The following NUP133 variants were observed in gnomAD, a reference collection of about 807,000 sequenced individuals.
NUP133 encodes nuclear pore complex protein Nup133.
NUP133 carries 66 observed loss-of-function variants against 146.2 expected under a neutral mutation model. The ratio of observed to expected loss-of-function variants is 0.45; its 90% confidence interval spans 0.37 to 0.55. The LOEUF is 0.55. Ranked by LOEUF, NUP133 falls within the 20% of genes least tolerant of loss-of-function variation. The pLI is 0.00. For missense variants in NUP133, 1,277 were observed against 1,374.8 expected (o/e 0.93, Z 1.12); for synonymous variants, 521 against 498.8 (o/e 1.04, Z -0.59).
intron 13 of NUP133, among the ~76,000 whole-genome samples, chr1:229,476,798 C>A (rs1213659623): frequency 6.6e-6 from 1 of 151,912 alleles, no homozygotes; most frequent in African/African-American, 2.4e-5. Flanking sequence ...GTGGTGCACA[C>A]CTGTAATCTC....
rs1391904177 is a variant in NUP133, at chr1:229,458,247, G to A, written c.2894C>T (p.Ala965Val). ...GLANMETRYFAKKKTLLGLSK... is the reference protein window; with the variant it reads ...GLANMETRYFVKKKTLLGLSK... ...CAAGCCAAGAAGGGTTTTCTTCTTTGCAAAGTAACGAGTTTCCATATTTGC... is the reference window on the plus strand; with the variant it reads ...CAAGCCAAGAAGGGTTTTCTTCTTTACAAAGTAACGAGTTTCCATATTTGC... Residue 965 changes from alanine (A) to valine (V), a missense_variant, in exon 21 of 26, where the codon GCA becomes GTA. Transcript: ENST00000261396. 1 of 1,613,552 alleles carries A rather than the reference G, an allele frequency of 6.2e-7. No individual in the cohort carries two copies. Among genetic ancestry groups the A allele is most frequent in the South Asian group, 1.1e-5 (1 of 91,040 alleles).
rs1660271224 is a variant in NUP133, at chr1:229,444,942, C to T, written c.3306G>A (p.Val1102=). The T allele has an allele frequency of 1.9e-6, 3 of 1,611,082 alleles. No homozygotes were observed. Among genetic ancestry groups the T allele is most frequent in the Non-Finnish European group, 2.5e-6 (3 of 1,178,058 alleles). Residue 1102 remains valine (V), a synonymous_variant, in exon 25 of 26, where the codon GTG becomes GTA. Coordinates refer to ENST00000261396, the MANE Select transcript of NUP133 (RefSeq NM_018230.3). ...PIEVSKDSIF[V]KILQKLLKDG... is the part of the protein sequence containing the mutation. ...CTTTTAAAAGTTTCTGTAAGATCTT[C>T]ACAAATATACTGTCTTTAGATACTT... is the stretch of plus-strand genomic sequence containing the variant.
At chr1:229,472,037 C>T (rs548033289) in intron 14 of NUP133, among the ~76,000 whole-genome samples, 44 of 152,208 alleles carry the variant, frequency 2.9e-4, no homozygotes, top group African/African-American at 1.0e-3. Flanking sequence ...TAGGTGTAAT[C>T]GGCCAGGCGT....
At chr1:229,460,499 AC>A (rs1437637298) in intron 20 of NUP133, 111 bp downstream of exon 20, 2 of 1,058,880 alleles carry the variant, frequency 1.9e-6, no homozygotes, top group African/African-American at 3.2e-5. Flanking sequence ...TTGGATAGTA[AC>A]CCCTTCTCAG....
intron 9 of NUP133, among the ~76,000 whole-genome samples, chr1:229,488,958 G>A (rs896661548): frequency 3.9e-5 from 6 of 152,198 alleles, no homozygotes; most frequent in African/African-American, 1.4e-4. Context: ...TATTAAACAT[G>A]TTTAATTGCT....
chr1:229,502,224 A>C, intron 2 of NUP133, 122 bp from the exon 3 acceptor site: 3 of 653,376 alleles, frequency 4.6e-6, no homozygotes, highest in South Asian at 1.9e-5. Flanking sequence ...ATACTTTTGA[A>C]TATTCCAAAA....
At chr1:229,450,044 A>ATTTT (rs762006088) in intron 23 of NUP133, among the ~76,000 whole-genome samples, 1 of 139,322 alleles carries the variant, frequency 7.2e-6, no homozygotes, top group Non-Finnish European at 1.6e-5. Context: ...TACCCATCTA[A>ATTTT]TTTTTTTTTT....
In NUP133 at chr1:229,466,625, T is replaced by C; in HGVS notation, c.2199+9A>G. On this transcript the variant is annotated intron_variant, in intron 16 of 25. Transcript: ENST00000261396. ...TTGATTTGCTGAAGCCTTTACTATATTTTTGTACCTTGAGAATATTGTTCA... is the reference window on the plus strand; with the variant it reads ...TTGATTTGCTGAAGCCTTTACTATACTTTTGTACCTTGAGAATATTGTTCA... 2 of 1,613,842 alleles carry C rather than the reference T, an allele frequency of 1.2e-6. No individual in the cohort carries two copies. The highest frequency in any genetic ancestry group is 3.3e-4 in the Middle Eastern group (2 of 6,060).
Position 229,464,870 on chromosome 1 carries a change from T to C in NUP133, c.2305A>G (p.Ser769Gly), listed in dbSNP as rs774732278. Residue 769 changes from serine (S) to glycine (G), a missense_variant, in exon 18 of 26, where the codon AGT becomes GGT. By Grantham distance (56) the Ser-to-Gly change is moderately conservative. Transcript: ENST00000261396. ...ACCGTTCGGATGCCACCAGGACCAC[T>C]TGTTGCTGTGAAATTACACAAAATA... ...EPEYVPWTAT[S>G]GPGGIRTVII... is the part of the protein sequence containing the mutation. 4.3e-6 allele frequency: 7 copies of C among 1,613,644 alleles called. No individual in the cohort carries two copies. The highest frequency in any genetic ancestry group is 1.7e-5 in the Admixed American group (1 of 60,000).
rs370979380 is a variant in NUP133 at position 229,464,636 on chromosome 1, A to C, written c.2539T>G (p.Leu847Val). ...MEYLQKRSDLLSPLLSLGQYL... is the reference protein window; with the variant it reads ...MEYLQKRSDLVSPLLSLGQYL... ...ATCATGAACTTACGAAGAGGAGATAAGAGATCTGATCTTTTCTGTAGGTAT... is the reference window on the plus strand; with the variant it reads ...ATCATGAACTTACGAAGAGGAGATACGAGATCTGATCTTTTCTGTAGGTAT... Residue 847 changes from leucine to valine, a missense_variant, in exon 18 of 26, where the codon TTA (leucine) becomes GTA (valine). Leu to Val is a conservative substitution (Grantham distance 32). Coordinates refer to ENST00000261396, the MANE Select transcript of NUP133 (RefSeq NM_018230.3). 1 of 1,614,066 alleles carries C rather than the reference A, an allele frequency of 6.2e-7. No individual in the cohort carries two copies. The highest frequency in any genetic ancestry group is 1.3e-5 in the African/African-American group (1 of 74,946).
intron 8 of NUP133, among the ~76,000 whole-genome samples, chr1:229,495,105 C>A (rs1442769579): frequency 6.6e-6 from 1 of 152,178 alleles, no homozygotes; most frequent in Non-Finnish European, 1.5e-5. Context: ...ACTAAAAGAA[C>A]AGGCTGGGCA....
In NUP133 at chr1:229,508,238, G is replaced by A. The variant is rs1020434736; in HGVS notation, c.12C>T (p.Ala4=). The A allele has an allele frequency of 5.9e-6, 9 of 1,533,324 alleles. No homozygotes were observed. The highest frequency in any genetic ancestry group is 2.2e-5 in the Admixed American group (1 of 44,962). 95.0% of individuals were successfully genotyped at this position (1,533,324 alleles called of 1,614,324 possible). Residue 4 remains alanine, a synonymous_variant, in exon 1 of 26, where the codon GCC becomes GCT. Transcript: ENST00000261396. MFP[A]APSPRTPGTG... ...TACCCGGGGTCCGCGGAGAAGGGGCGGCTGGGAACATGACTCCAAGGAGCA... is the reference window on the plus strand; with the variant it reads ...TACCCGGGGTCCGCGGAGAAGGGGCAGCTGGGAACATGACTCCAAGGAGCA...
intron 11 of NUP133, 69 bp from the exon 12 acceptor site, chr1:229,484,214 T>C (rs910439805): frequency 4.5e-5 from 50 of 1,107,368 alleles, no homozygotes; most frequent in Non-Finnish European, 6.6e-5. Flanking sequence ...GACTAAAAAC[T>C]GCACCCATCC....
chr1:229,468,986 T>C (rs1047332312), intron 15 of NUP133, among the ~76,000 whole-genome samples: 6 of 152,204 alleles, frequency 3.9e-5, no homozygotes, highest in Non-Finnish European at 7.3e-5. Flanking sequence ...GAAGACTGAA[T>C]TTAGGTTATA....
rs1184155441 is a variant in NUP133, at chr1:229,500,811, G to A, written c.458C>T (p.Ala153Val). ...QLPPSDFHWS[A>V]DLVALSYSSP... is the part of the protein sequence containing the mutation. ...AGAGTAAGAAAGAGCCACTAAGTCG[G>A]CACTCCAGTGGAAATCACTAGGTGG... The change falls in exon 4 of 26, where the codon GCC becomes GTC. Residue 153 changes from alanine to valine, a missense_variant. This residue lies in a region of NUP133 where 319 missense variants were observed against 306.9 expected (regional missense o/e 1.04). Coordinates refer to ENST00000261396, the MANE Select transcript of NUP133 (RefSeq NM_018230.3). The A allele has an allele frequency of 6.2e-7, 1 of 1,612,766 alleles. No homozygotes were observed. The highest frequency in any genetic ancestry group is 8.5e-7 in the Non-Finnish European group (1 of 1,179,172).
intron 19 of NUP133, among the ~76,000 whole-genome samples, chr1:229,461,612 T>A (rs1363456114): frequency 6.6e-6 from 1 of 152,086 alleles, no homozygotes; most frequent in Non-Finnish European, 1.5e-5. Context: ...ATACAATGTC[T>A]AAAATACAAT....
intron 25 of NUP133, among the ~76,000 whole-genome samples, chr1:229,443,346 G>C (rs1660226119): frequency 6.6e-6 from 1 of 151,896 alleles, no homozygotes; most frequent in South Asian, 2.1e-4. Flanking sequence ...GGCAAAATAA[G>C]ACTTTTATAA....
intron 21 of NUP133, among the ~76,000 whole-genome samples, chr1:229,453,964 T>C (rs78266630): frequency 6.6e-6 from 1 of 152,182 alleles, no homozygotes; most frequent in Admixed American, 6.5e-5. Context: ...ACATGGTGTA[T>C]ATCTATGAGT....
At chr1:229,451,087 A>T (rs1660438080) in intron 22 of NUP133, 1 of 152,166 alleles carries the variant, frequency 6.6e-6, no homozygotes, top group Non-Finnish European at 1.5e-5. Flanking sequence ...ACCTTAAAAT[A>T]AACTGTCTTT....
Sources: allele counts gnomAD v4.1 joint callset (sites outside exome capture counted in the v4.1 genomes callset), GRCh38; gene constraint gnomAD v4.1.1; regional missense constraint gnomAD v4.1.1; transcripts MANE v1.5; gene names NCBI Gene and HGNC (gene_info 2026-07-23, HGNC 2026-07-21).